Variants in DPY19L4 observed in about 807,000 individuals in gnomAD.
DPY19L4 encodes dpy-19 like 4, also known as probable C-mannosyltransferase DPY19L4.
In DPY19L4, 97 loss-of-function variants were observed where a neutral mutation model predicts 102.8. The ratio of observed to expected loss-of-function variants is 0.94; its 90% CI spans 0.80 to 1.12. DPY19L4 has a LOEUF of 1.12. Among genes scored for constraint, DPY19L4 ranks in the 50% most tolerant of loss-of-function variants. DPY19L4 has a pLI of 0.00. For missense variants in DPY19L4, 815 were observed against 850.4 expected (o/e 0.96, Z 0.52); for synonymous variants, 252 against 283.1 (o/e 0.89, Z 1.10).
chr8:94,739,864 C>G lies in DPY19L4; in HGVS notation c.611+74C>G, dbSNP rs1811366552. The stretch of plus-strand genomic sequence containing the variant: ...TAGTCAGAGTTCTGAAAATGCCTCC[C>G]CTCCCCAACAGTCCTCACTCTAATC... On this transcript the variant is annotated intron_variant, in intron 6 of 18. Transcript: ENST00000414645. 3 of 1,539,220 alleles carry G rather than the reference C, an allele frequency of 1.9e-6. No individual in the cohort carries two copies. The East Asian group carries it at 6.8e-5, about 35-fold the overall frequency.
chr8:94,778,273 A>G (rs1410316147), intron 14 of DPY19L4, among the ~76,000 whole-genome samples: 1 of 152,164 alleles, frequency 6.6e-6, no homozygotes, highest in Non-Finnish European at 1.5e-5. Context: ...AATGCATTTT[A>G]ATGCATACAA....
intron 6 of DPY19L4, among the ~76,000 whole-genome samples, chr8:94,746,133 C>T (rs570342618): frequency 1.4e-5 from 2 of 138,408 alleles, no homozygotes; most frequent in South Asian, 4.8e-4. Context: ...GCGATCTTGG[C>T]TCACTACAAT....
chr8:94,720,981 T>A (rs2130772562), intron 1 of DPY19L4, among the ~76,000 whole-genome samples: 1 of 152,220 alleles, frequency 6.6e-6, no homozygotes, highest in South Asian at 2.1e-4. Flanking sequence ...AGTTTCGTTC[T>A]TGTTGCCCAG....
intron 17 of DPY19L4, among the ~76,000 whole-genome samples, chr8:94,785,749 G>A (rs1213963500): frequency 6.6e-6 from 1 of 152,214 alleles, no homozygotes; most frequent in Non-Finnish European, 1.5e-5. Context: ...AGAGACAGCA[G>A]CCATCTCTGA....
intron 9 of DPY19L4, 147 bp from the exon 10 acceptor site, chr8:94,765,564 G>A: frequency 1.4e-6 from 1 of 712,778 alleles, no homozygotes; most frequent in Non-Finnish European, 2.3e-6. Flanking sequence ...TCAAACTCCC[G>A]ACCTCAAGTG....
rs1218306615 is a variant in DPY19L4 at position 94,734,715 on chromosome 8, A to T, written c.213A>T (p.Ser71=). 38 of 1,613,788 alleles carry T rather than the reference A, an allele frequency of 2.4e-5. No homozygotes were observed. In the Admixed American group the frequency reaches 6.2e-4, roughly 26 times the overall value. ...TSGMMYALYL[S]AYHERKFWFS... ...GTATGATGTATGCTCTCTACTTATC[A>T]GCATACCATGAACGGAAATTCTGGT... The change falls in exon 3 of 19, where the codon TCA becomes TCT. Residue 71 remains serine (S), a synonymous_variant. Transcript: ENST00000414645.
chr8:94,731,965 G>T (rs936383637), intron 2 of DPY19L4, among the ~76,000 whole-genome samples: 2 of 152,022 alleles, frequency 1.3e-5, no homozygotes, highest in African/African-American at 4.8e-5. Flanking sequence ...TAGAGACGGG[G>T]TTTTGCTGTG....
intron 11 of DPY19L4, 91 bp downstream of exon 11, chr8:94,766,776 A>G (rs1417863053): frequency 8.4e-7 from 1 of 1,193,842 alleles, no homozygotes; most frequent in African/African-American, 1.5e-5. Context: ...AGTGGCTCAC[A>G]TCTGTAATCC....
chr8:94,757,604 A>G (rs1486504847), intron 7 of DPY19L4, among the ~76,000 whole-genome samples: 1 of 151,904 alleles, frequency 6.6e-6, no homozygotes, highest in Non-Finnish European at 1.5e-5. Context: ...GAGACGGGGT[A>G]TCACTATGTT....
intron 1 of DPY19L4, chr8:94,720,273 A>T: frequency 1.0e-6 from 1 of 984,746 alleles, no homozygotes; most frequent in Non-Finnish European, 1.2e-6. Context: ...GCAAGAGAGA[A>T]AGCTGTGCCG....
intron 13 of DPY19L4, among the ~76,000 whole-genome samples, chr8:94,776,357 C>T (rs1344361792): frequency 2.0e-5 from 3 of 151,538 alleles, no homozygotes; most frequent in East Asian, 3.9e-4. Flanking sequence ...TTAGTAGAGA[C>T]GAGGTTTCAC....
intron 6 of DPY19L4, among the ~76,000 whole-genome samples, chr8:94,747,585 G>A (rs1811734747): frequency 7.4e-6 from 1 of 135,234 alleles, no homozygotes; most frequent in Non-Finnish European, 1.5e-5. Context: ...TTGAGACAGA[G>A]TCTCGCTCTG....
In DPY19L4 at chr8:94,733,197, C is replaced by T. The variant is rs1272739247; in HGVS notation, c.128-1433C>T. On this transcript the variant is annotated intron_variant, in intron 2 of 18. Coordinates refer to ENST00000414645, the MANE Select transcript of DPY19L4 (RefSeq NM_181787.3). The stretch of plus-strand genomic sequence containing the variant: ...CTGGAGCGCAGTGGCATGATCTCTG[C>T]TCACTGCAAGCTCTGCCTCTGGGTT... Among the ~76,000 whole-genome samples, 3 of 136,020 alleles carry T rather than the reference C, an allele frequency of 2.2e-5. No homozygotes were observed. In the South Asian group the frequency reaches 7.1e-4, roughly 32 times the overall value. 89.2% of individuals were successfully genotyped at this position (136,020 alleles called of 152,430 possible).
chr8:94,783,913 A>G, intron 17 of DPY19L4, 111 bp downstream of exon 17: 1 of 1,223,862 alleles, frequency 8.2e-7, no homozygotes, highest in East Asian at 2.6e-5. Flanking sequence ...AAACAATTTT[A>G]GAAGAGTTAA....
intron 2 of DPY19L4, among the ~76,000 whole-genome samples, chr8:94,733,810 G>A (rs920808551): frequency 2.6e-5 from 4 of 151,934 alleles, no homozygotes; most frequent in Non-Finnish European, 5.9e-5. Flanking sequence ...CCAAAGTGGC[G>A]GGATTACAGA....
At chr8:94,754,605 C>CA (rs1346643295) in intron 6 of DPY19L4, among the ~76,000 whole-genome samples, 2 of 151,676 alleles carry the variant, frequency 1.3e-5, no homozygotes, top group African/African-American at 4.8e-5. Flanking sequence ...CATAAATTTT[C>CA]AAAAAAACAA....
intron 2 of DPY19L4, among the ~76,000 whole-genome samples, chr8:94,730,412 G>T (rs1563572259): frequency 6.6e-6 from 1 of 152,070 alleles, no homozygotes; most frequent in Non-Finnish European, 1.5e-5. Context: ...AACACTGAAA[G>T]CTTGATGTCT....
At chr8:94,740,763 GT>G (rs1811410876) in intron 6 of DPY19L4, among the ~76,000 whole-genome samples, 1 of 151,776 alleles carries the variant, frequency 6.6e-6, no homozygotes, top group Non-Finnish European at 1.5e-5. Context: ...CTGCAATACT[GT>G]TTTTTTTATG....
At chr8:94,752,831 A>AT (rs916643537) in intron 6 of DPY19L4, among the ~76,000 whole-genome samples, 2 of 150,712 alleles carry the variant, frequency 1.3e-5, no homozygotes, top group Non-Finnish European at 3.0e-5. Context: ...TGCCCGGCTA[A>AT]TTTTTTTGTA....
Sources: allele counts gnomAD v4.1 joint callset (sites outside exome capture counted in the v4.1 genomes callset), GRCh38; gene constraint gnomAD v4.1.1; transcripts MANE v1.5; gene names NCBI Gene and HGNC (gene_info 2026-07-23, HGNC 2026-07-21).